THSD7B: variants seen among roughly 807,000 people sequenced by gnomAD.
THSD7B encodes thrombospondin type-1 domain-containing protein 7B.
THSD7B carries 138 observed loss-of-function variants against 213.6 expected under a neutral mutation model. The ratio of observed to expected loss-of-function variants is 0.65; its 90% CI spans 0.56 to 0.74. The LOEUF is 0.74. Ranked by LOEUF, THSD7B falls within the 30% of genes least tolerant of loss-of-function variation. The probability of loss-of-function intolerance (pLI) is 0.00; values close to 1 mark genes in which losing one functional copy is unlikely to be tolerated. For missense variants in THSD7B, 1,931 were observed against 1,991.5 expected (o/e 0.97, Z 0.58); for synonymous variants, 742 against 687.0 (o/e 1.08, Z -1.25).
At chr2:137,439,611 A>T (rs1198642496) in intron 14 of THSD7B, among the ~76,000 whole-genome samples, 1 of 152,126 alleles carries the variant, frequency 6.6e-6, no homozygotes, top group Non-Finnish European at 1.5e-5. Flanking sequence ...ATTACCAGAG[A>T]GCTGTGTAAA....
At chr2:137,281,283 A>G (rs1683004277) in intron 12 of THSD7B, among the ~76,000 whole-genome samples, 1 of 152,008 alleles carries the variant, frequency 6.6e-6, no homozygotes, top group Non-Finnish European at 1.5e-5. Flanking sequence ...TAAAGTAAAG[A>G]TGTTTTTCTG....
chr2:137,076,286 A>G (rs566308067), intron 3 of THSD7B, among the ~76,000 whole-genome samples: 4 of 152,350 alleles, frequency 2.6e-5, no homozygotes, highest in Admixed American at 6.5e-5. Context: ...TAATTCGACA[A>G]TGGCGGGCGC....
intron 2 of THSD7B, among the ~76,000 whole-genome samples, chr2:137,021,260 A>G (rs768309442): frequency 6.6e-6 from 1 of 152,178 alleles, no homozygotes; most frequent in Non-Finnish European, 1.5e-5. Context: ...GCTACTGAGC[A>G]TTTGAAATGT....
chr2:136,792,449 A>G (rs1278864968), intron 1 of THSD7B, among the ~76,000 whole-genome samples: 3 of 152,024 alleles, frequency 2.0e-5, no homozygotes, highest in Non-Finnish European at 2.9e-5. Context: ...GATACCTGCC[A>G]TCGTACATTT....
intron 12 of THSD7B, among the ~76,000 whole-genome samples, chr2:137,373,057 A>G (rs1201305736): frequency 6.6e-6 from 1 of 151,846 alleles, no homozygotes; most frequent in Non-Finnish European, 1.5e-5. Flanking sequence ...ATAGTATTCC[A>G]TGGTGTATAT....
intron 1 of THSD7B, among the ~76,000 whole-genome samples, chr2:136,807,518 T>A (rs978690833): frequency 7.0e-6 from 1 of 142,694 alleles, no homozygotes; most frequent in African/African-American, 2.6e-5. Context: ...CGTTTTTTTT[T>A]TTTTTTTGAG....
chr2:137,090,474 A>G (rs1687930544), intron 3 of THSD7B, among the ~76,000 whole-genome samples: 1 of 152,152 alleles, frequency 6.6e-6, no homozygotes, highest in Non-Finnish European at 1.5e-5. Flanking sequence ...GCTGATTTTT[A>G]TTTTATAAGA....
chr2:136,940,742 A>ATTT (rs150455072), intron 2 of THSD7B, among the ~76,000 whole-genome samples: 49 of 144,362 alleles, frequency 3.4e-4, no homozygotes, highest in African/African-American at 1.1e-3. Flanking sequence ...ATATATATAT[A>ATTT]TTTTTTCTTA....
At chr2:137,495,902 T>C (rs1474301838) in intron 15 of THSD7B, among the ~76,000 whole-genome samples, 1 of 152,172 alleles carries the variant, frequency 6.6e-6, no homozygotes, top group Non-Finnish European at 1.5e-5. Context: ...GCCCGCTAAA[T>C]TTATTGGCCA....
intron 16 of THSD7B, among the ~76,000 whole-genome samples, chr2:137,567,568 G>GT (rs2105229236): frequency 6.6e-6 from 1 of 152,268 alleles, no homozygotes; most frequent in South Asian, 2.1e-4. Context: ...AATCGATTTA[G>GT]TAAAAGTGAA....
At chr2:137,309,360 A>T (rs1334737893) in intron 12 of THSD7B, among the ~76,000 whole-genome samples, 1 of 151,740 alleles carries the variant, frequency 6.6e-6, no homozygotes, top group Non-Finnish European at 1.5e-5. Context: ...CATAGTTGGC[A>T]TACTGTGGAT....
chr2:136,871,898 A>G (rs1337001481), intron 1 of THSD7B, among the ~76,000 whole-genome samples: 1 of 152,180 alleles, frequency 6.6e-6, no homozygotes, highest in African/African-American at 2.4e-5. Context: ...CTTCACTGAA[A>G]TGACACATGA....
At chr2:137,209,200 G>T (rs1274939152) in intron 7 of THSD7B, among the ~76,000 whole-genome samples, 1 of 152,014 alleles carries the variant, frequency 6.6e-6, no homozygotes, top group Non-Finnish European at 1.5e-5. Context: ...CTTTGCAAAG[G>T]TGGTTTCAAT....
At chr2:137,577,013 C>T (rs959673983) in intron 17 of THSD7B, among the ~76,000 whole-genome samples, 1 of 152,114 alleles carries the variant, frequency 6.6e-6, no homozygotes, top group Non-Finnish European at 1.5e-5. Flanking sequence ...AGATGGCAAC[C>T]TGTATTTGTC....
At chr2:137,673,153 C>T (rs6705113) in intron 27 of THSD7B, among the ~76,000 whole-genome samples, 1 of 152,152 alleles carries the variant, frequency 6.6e-6, no homozygotes, top group African/African-American at 2.4e-5. Context: ...GAGAATGAGT[C>T]CTTGCTGAGA....
intron 2 of THSD7B, among the ~76,000 whole-genome samples, chr2:136,899,321 A>G (rs904436521): frequency 6.6e-6 from 1 of 152,164 alleles, no homozygotes; most frequent in African/African-American, 2.4e-5. Flanking sequence ...GTATTATTAC[A>G]CACCTTAAGT....
chr2:137,528,982 A>C (rs1268796835), intron 15 of THSD7B, among the ~76,000 whole-genome samples: 1 of 152,084 alleles, frequency 6.6e-6, no homozygotes. Context: ...AATCCTCTTT[A>C]ATCATTAAAT....
At chr2:137,225,689 G>A (rs751526746) in intron 7 of THSD7B, among the ~76,000 whole-genome samples, 3 of 151,998 alleles carry the variant, frequency 2.0e-5, no homozygotes, top group Non-Finnish European at 4.4e-5. Flanking sequence ...TCCACTCTAA[G>A]CTTTCCCAAA....
At chr2:137,388,889 A>G (rs1276724511) in intron 12 of THSD7B, among the ~76,000 whole-genome samples, 1 of 152,052 alleles carries the variant, frequency 6.6e-6, no homozygotes, top group African/African-American at 2.4e-5. Context: ...TTGTGTATAT[A>G]TACCACATTT....
Sources: allele counts gnomAD v4.1 joint callset (sites outside exome capture counted in the v4.1 genomes callset), GRCh38; gene constraint gnomAD v4.1.1; transcripts MANE v1.5; gene names NCBI Gene and HGNC (gene_info 2026-07-23, HGNC 2026-07-21).